Variants in MYO16 observed in about 807,000 individuals in gnomAD.
MYO16 encodes the protein myosin XVI, also known as unconventional myosin-XVI.
A neutral mutation model predicts 205.3 loss-of-function variants in MYO16; 94 were observed. The observed-to-expected ratio is 0.46, with a 90% CI of 0.39 to 0.54. The LOEUF (loss-of-function observed/expected upper bound fraction) is 0.54. MYO16 is among the 20% of genes least tolerant of loss of function. MYO16 has a pLI of 0.00. For missense variants in MYO16, 2,315 were observed against 2,387.5 expected, an observed-to-expected ratio of 0.97 and a Z score of 0.63; for synonymous variants, 988 against 954.0, an observed-to-expected ratio of 1.04 and a Z score of -0.66.
chr13:108,530,538 A>C, the MYO16 span, among the ~76,000 whole-genome samples: 29 of 152,298 alleles, frequency 1.9e-4, no homozygotes, highest in Middle Eastern at 6.8e-3. Flanking sequence ...TATGTTACTA[A>C]CATATTAATT....
intron 31 of MYO16, among the ~76,000 whole-genome samples, chr13:109,131,807 A>C (rs1876555736): frequency 6.6e-6 from 1 of 152,044 alleles, no homozygotes; most frequent in African/African-American, 2.4e-5. Flanking sequence ...TTCCTCACAC[A>C]CCGGGTGCAG....
chr13:108,673,665 C>T (rs1024249552), intron 2 of MYO16, among the ~76,000 whole-genome samples: 1 of 152,114 alleles, frequency 6.6e-6, no homozygotes, highest in African/African-American at 2.4e-5. Context: ...CTGATTCTAA[C>T]TCTGTTTCTA....
At chr13:109,038,653 C>G (rs992725774) in intron 23 of MYO16, among the ~76,000 whole-genome samples, 1 of 151,950 alleles carries the variant, frequency 6.6e-6, no homozygotes, top group African/African-American at 2.4e-5. Context: ...TTGGAGAACC[C>G]TGATGAATAC....
intron 7 of MYO16, among the ~76,000 whole-genome samples, chr13:108,810,900 C>T (rs961488696): frequency 6.6e-6 from 1 of 151,994 alleles, no homozygotes; most frequent in African/African-American, 2.4e-5. Context: ...TTTAAAACTG[C>T]CTTTTATAAA....
intron 24 of MYO16, 88 bp downstream of exon 24, chr13:109,047,079 T>G: frequency 1.0e-6 from 1 of 996,206 alleles, no homozygotes; most frequent in Non-Finnish European, 1.5e-6. Flanking sequence ...CTAGAAAATA[T>G]GCTACCAGCT....
In MYO16 at chr13:108,972,382, A is replaced by AGC. The variant is rs1429723478; in HGVS notation, c.2369+7480_2369+7481insGC. Among the ~76,000 whole-genome samples the AGC allele has an allele frequency of 1.0e-4, 6 of 58,852 alleles. 1 individual carries two copies. The highest frequency in any genetic ancestry group is 5.6e-4 in the African/African-American group (6 of 10,740). The allele number at this position is 58,852 out of a possible 152,430, so 38.6% of individuals were successfully genotyped here. On this transcript the variant is annotated intron_variant, in intron 20 of 34. Transcript: ENST00000457511. Reference sequence around the variant, plus strand: ...TATATATATATATATATATATATATATATATATATATATATAGTGGCTGGT... The same window carrying AGC: ...TATATATATATATATATATATATATAGCTATATATATATATATAGTGGCTGGT...
intron 11 of MYO16, among the ~76,000 whole-genome samples, chr13:108,857,774 A>G (rs1185627189): frequency 6.6e-6 from 1 of 152,178 alleles, no homozygotes; most frequent in Non-Finnish European, 1.5e-5. Context: ...AATACTTCCT[A>G]TGTTTTTATC....
intron 2 of MYO16, among the ~76,000 whole-genome samples, chr13:108,681,901 C>T (rs1216770040): frequency 6.6e-6 from 1 of 152,208 alleles, no homozygotes; most frequent in African/African-American, 2.4e-5. Flanking sequence ...TTCCATTTCT[C>T]TATGTTATAC....
At chr13:109,084,390 G>T (rs1341186532) in intron 27 of MYO16, among the ~76,000 whole-genome samples, 1 of 152,106 alleles carries the variant, frequency 6.6e-6, no homozygotes, top group Non-Finnish European at 1.5e-5. Flanking sequence ...CAGAGATGGT[G>T]ACCAGGTGCC....
intron 27 of MYO16, among the ~76,000 whole-genome samples, chr13:109,097,393 C>T (rs1485019183): frequency 6.6e-6 from 1 of 152,180 alleles, no homozygotes; most frequent in Non-Finnish European, 1.5e-5. Context: ...GGGTGGTCCA[C>T]ATGCACTGCC....
At chr13:108,667,178 T>G (rs1212622365) in intron 2 of MYO16, among the ~76,000 whole-genome samples, 1 of 152,196 alleles carries the variant, frequency 6.6e-6, no homozygotes, top group African/African-American at 2.4e-5. Context: ...CAAATGGGGA[T>G]TGTGGATCTA....
chr13:108,638,720 A>T (rs1012506493), intron 1 of MYO16, among the ~76,000 whole-genome samples: 1 of 152,198 alleles, frequency 6.6e-6, no homozygotes, highest in Non-Finnish European at 1.5e-5. Flanking sequence ...TATATGTATA[A>T]ATAGAATTTT....
At chr13:108,508,049 AT>A in the MYO16 span, among the ~76,000 whole-genome samples, 1 of 150,908 alleles carries the variant, frequency 6.6e-6, no homozygotes, top group Non-Finnish European at 1.5e-5. Flanking sequence ...AGGTTTCTGG[AT>A]TTTTTTCTTA....
the MYO16 span, among the ~76,000 whole-genome samples, chr13:108,528,586 T>TCCC: frequency 3.5e-5 from 1 of 28,582 alleles, no homozygotes; most frequent in Non-Finnish European, 6.3e-5. Flanking sequence ...CCCCTCCCCT[T>TCCC]TCCCCTCCTC....
At chr13:108,696,310 T>C (rs868520775) in intron 2 of MYO16, among the ~76,000 whole-genome samples, 2 of 152,300 alleles carry the variant, frequency 1.3e-5, no homozygotes, top group South Asian at 2.1e-4. Flanking sequence ...TTATTTAGAA[T>C]AGACAAAAAA....
chr13:109,178,264 C>T (rs1407189396), intron 33 of MYO16, among the ~76,000 whole-genome samples: 1 of 152,050 alleles, frequency 6.6e-6, no homozygotes, highest in Non-Finnish European at 1.5e-5. Flanking sequence ...CTGCCTGTGG[C>T]CGAGATCTGT....
At chr13:108,977,914 A>G (rs1884321358) in intron 20 of MYO16, among the ~76,000 whole-genome samples, 1 of 152,078 alleles carries the variant, frequency 6.6e-6, no homozygotes, top group Non-Finnish European at 1.5e-5. Context: ...TTTATAGATT[A>G]ATATGGGAAA....
chr13:108,967,048 GTA>G (rs765171451), intron 20 of MYO16, among the ~76,000 whole-genome samples: 5 of 151,474 alleles, frequency 3.3e-5, no homozygotes, highest in African/African-American at 7.3e-5. Context: ...ATTTATTACT[GTA>G]TATATATATA....
intron 16 of MYO16, among the ~76,000 whole-genome samples, chr13:108,931,691 T>C (rs540563905): frequency 2.4e-4 from 36 of 152,316 alleles, no homozygotes; most frequent in African/African-American, 8.7e-4. Context: ...TCACACATAA[T>C]AGGTATGTGA....
Sources: gnomAD v4.1 joint callset for allele counts (sites outside exome capture counted in the v4.1 genomes callset) on GRCh38, gnomAD v4.1.1 for gene constraint, MANE v1.5 for transcripts, NCBI Gene and HGNC (gene_info 2026-07-23, HGNC 2026-07-21) for gene names.